The following PTPRD variants were observed in gnomAD, a reference collection of about 807,000 sequenced individuals.
PTPRD encodes receptor-type tyrosine-protein phosphatase delta.
Under a neutral mutation model 214.5 loss-of-function variants are expected in PTPRD, and 34 were observed. The observed-to-expected ratio is 0.16, with a 90% CI of 0.12 to 0.21. PTPRD has a LOEUF of 0.21. PTPRD is among the 10% of genes least tolerant of loss of function. The probability of loss-of-function intolerance (pLI) is 1.00; values close to 1 mark genes in which losing one functional copy is unlikely to be tolerated. For missense variants in PTPRD, 2,545 were observed against 2,398.7 expected, an observed-to-expected ratio of 1.06 and a Z score of -1.27; for synonymous variants, 1,128 against 845.7, an observed-to-expected ratio of 1.33 and a Z score of -5.79.
chr9:8,917,135 CTTT>C (rs35316380), intron 11 of PTPRD, among the ~76,000 whole-genome samples: 8 of 114,308 alleles, frequency 7.0e-5, no homozygotes, highest in Non-Finnish European at 1.3e-4. Context: ...TCTTCTTCTT[CTTT>C]TTTTTTTTTT....
chr9:10,576,797 A>G (rs1249909036), intron 2 of PTPRD, among the ~76,000 whole-genome samples: 3 of 152,198 alleles, frequency 2.0e-5, no homozygotes, highest in Admixed American at 2.0e-4. Context: ...TTGATTACAA[A>G]TATAAAATAA....
chr9:9,710,472 A>C (rs1036875879), intron 7 of PTPRD, among the ~76,000 whole-genome samples: 1 of 152,108 alleles, frequency 6.6e-6, no homozygotes, highest in Non-Finnish European at 1.5e-5. Flanking sequence ...TAAAAACAGA[A>C]ATTTTAATGG....
intron 4 of PTPRD, among the ~76,000 whole-genome samples, chr9:10,022,619 A>G (rs900057171): frequency 6.6e-6 from 1 of 152,236 alleles, no homozygotes; most frequent in African/African-American, 2.4e-5. Flanking sequence ...AACAAACTAC[A>G]CAATTTTTAC....
At chr9:8,831,720 T>C (rs1026854806) in intron 11 of PTPRD, among the ~76,000 whole-genome samples, 8 of 152,200 alleles carry the variant, frequency 5.3e-5, no homozygotes, top group African/African-American at 1.9e-4. Context: ...GAATGAATTT[T>C]ATCATTCTGA....
At chr9:10,551,493 G>A (rs2061348375) in intron 2 of PTPRD, among the ~76,000 whole-genome samples, 1 of 152,142 alleles carries the variant, frequency 6.6e-6, no homozygotes, top group Non-Finnish European at 1.5e-5. Flanking sequence ...TTTAAGAGGT[G>A]ATTATGAAGG....
intron 3 of PTPRD, among the ~76,000 whole-genome samples, chr9:10,034,928 C>T (rs7021548): frequency 0.21 from 31,309 of 151,862 alleles, 3,644 homozygotes; most frequent in East Asian, 0.48. Flanking sequence ...ATTCATATTC[C>T]TTTGAGTATA....
intron 7 of PTPRD, among the ~76,000 whole-genome samples, chr9:9,586,781 AG>A (rs1476992488): frequency 1.3e-5 from 2 of 151,960 alleles, no homozygotes; most frequent in Non-Finnish European, 2.9e-5. Context: ...TTAAAAACAG[AG>A]GGGAAAAAAG....
chr9:9,357,260 T>G (rs1453207713), intron 9 of PTPRD, among the ~76,000 whole-genome samples: 1 of 151,404 alleles, frequency 6.6e-6, no homozygotes, highest in Non-Finnish European at 1.5e-5. Flanking sequence ...AGTGTCTCTT[T>G]CAGTTAGGAC....
intron 3 of PTPRD, among the ~76,000 whole-genome samples, chr9:10,271,291 T>C (rs540169074): frequency 6.6e-6 from 1 of 152,258 alleles, no homozygotes; most frequent in East Asian, 1.9e-4. Flanking sequence ...CTATGTACAT[T>C]TGCATTTTTA....
Position 10,182,259 on chromosome 9 carries a change from CAA to C in PTPRD, c.-544-148471_-544-148470del, listed in dbSNP as rs3075574. ...TGGGCAGCACAGTGAGACTCTGCCT[CAA>C]AAAAAAAAAAAAAAAAAAGAAAAGA... On this transcript the variant is annotated intron_variant, in intron 3 of 45. Transcript: ENST00000381196. 2.7e-3 allele frequency among the ~76,000 whole-genome samples: 146 copies of C among 54,444 alleles called. No individual in the cohort carries two copies. In the South Asian group the frequency reaches 0.043, roughly 16 times the overall value. The allele number at this position is 54,444 out of a possible 152,430, so 35.7% of individuals were successfully genotyped here. A position where few individuals can be genotyped will look rare whatever the true frequency, so the allele number is the denominator to read the frequency against.
chr9:10,457,001 C>T (rs2098922875), intron 2 of PTPRD, among the ~76,000 whole-genome samples: 1 of 151,746 alleles, frequency 6.6e-6, no homozygotes. Context: ...TTATAAAAGC[C>T]AAAATAGCTC....
At chr9:8,832,410 C>CT (rs5896262) in intron 11 of PTPRD, among the ~76,000 whole-genome samples, 21,693 of 127,202 alleles carry the variant, frequency 0.17, 2,307 homozygotes, top group East Asian at 0.3. Flanking sequence ...CTAAAATCAT[C>CT]TTTTTTTTTT....
rs187565438 is a variant in PTPRD at position 9,670,981 on chromosome 9, T to C, written c.-287+63552A>G. Among the ~76,000 whole-genome samples, 450 of 152,218 alleles carry C rather than the reference T, an allele frequency of 3.0e-3. 2 individuals carry two copies. The highest frequency in any genetic ancestry group is 0.01 in the African/African-American group (421 of 41,544). On this transcript the variant is annotated intron_variant, in intron 7 of 45. Transcript: ENST00000381196. Reference sequence around the variant, plus strand: ...GTAAGAAGAGTAAGAAGAGTCTCTATTCCCTAGTGGAGCTGTAAGAAGAGG... The same window carrying C: ...GTAAGAAGAGTAAGAAGAGTCTCTACTCCCTAGTGGAGCTGTAAGAAGAGG...
chr9:8,929,817 A>ATGTGTGTGTATATATGTG, intron 11 of PTPRD, among the ~76,000 whole-genome samples: 1 of 91,202 alleles, frequency 1.1e-5, no homozygotes, highest in South Asian at 3.9e-4. Context: ...GTGTATATAT[A>ATGTGTGTGTATATATGTG]TGTGTATATA....
At chr9:9,990,696 T>G (rs1353563426) in intron 4 of PTPRD, among the ~76,000 whole-genome samples, 1 of 152,230 alleles carries the variant, frequency 6.6e-6, no homozygotes. Context: ...CTCAGCCCTG[T>G]TGCATTGATT....
chr9:9,844,801 T>C (rs948710781), intron 5 of PTPRD, among the ~76,000 whole-genome samples: 19 of 151,554 alleles, frequency 1.3e-4, no homozygotes, highest in African/African-American at 4.4e-4. Flanking sequence ...GTTATTGAGG[T>C]GAGCATCTGG....
chr9:10,589,377 G>T (rs2074810868), intron 2 of PTPRD, among the ~76,000 whole-genome samples: 1 of 152,080 alleles, frequency 6.6e-6, no homozygotes, highest in Non-Finnish European at 1.5e-5. Flanking sequence ...AGTGAAGTGT[G>T]GGACCAGTCA....
chr9:10,017,289 TTA>T (rs2096739628), intron 4 of PTPRD, among the ~76,000 whole-genome samples: 2 of 152,176 alleles, frequency 1.3e-5, no homozygotes, highest in African/African-American at 2.4e-5. Context: ...TCCATTTATT[TTA>T]TCTTTTTTTT....
In PTPRD at chr9:9,402,933, C is replaced by T. The variant is rs1346058552; in HGVS notation, c.-236-5451G>A. 8.0e-5 allele frequency among the ~76,000 whole-genome samples: 9 copies of T among 112,426 alleles called. No homozygotes were observed. The East Asian group carries it at 8.8e-4, about 11-fold the overall frequency. 73.8% of individuals were successfully genotyped at this position (112,426 alleles called of 152,430 possible). ...GAGGGCATATGGTATGTGAAAATTA[C>T]GGTGAGATGGTTCAACATTTGTCTA... On this transcript the variant is annotated intron_variant, in intron 8 of 45. Transcript: ENST00000381196.
Sources: allele counts gnomAD v4.1 joint callset (sites outside exome capture counted in the v4.1 genomes callset), GRCh38; gene constraint gnomAD v4.1.1; transcripts MANE v1.5; gene names NCBI Gene and HGNC (gene_info 2026-07-23, HGNC 2026-07-21).